Variants in TKTL1 observed in about 807,000 individuals in gnomAD.
TKTL1 encodes transketolase-like protein 1.
Under a neutral mutation model 39.3 loss-of-function variants are expected in TKTL1, and 1 was observed. The ratio of observed to expected loss-of-function variants is 0.03; its 90% CI spans 0.01 to 0.12. The LOEUF (loss-of-function observed/expected upper bound fraction) is 0.12. TKTL1 is among the 10% of genes least tolerant of loss of function. TKTL1 has a pLI of 1.00. For synonymous variants in TKTL1, 262 were observed against 193.8 expected, an observed-to-expected ratio of 1.35 and a Z score of -2.92; for missense variants, 575 against 509.6, an observed-to-expected ratio of 1.13 and a Z score of -1.24.
chrX:154,303,328 T>C (rs782078017), intron 1 of TKTL1, among the ~76,000 whole-genome samples: 1 of 94,690 alleles, frequency 1.1e-5, no homozygotes, highest in East Asian at 3.5e-4. Context: ...CCCTCCCACC[T>C]CAGCCTCCCA....
intron 6 of TKTL1, among the ~76,000 whole-genome samples, chrX:154,313,293 C>T (rs1451740439): frequency 8.9e-6 from 1 of 112,407 alleles, no homozygotes. Context: ...ACCTTTTGAA[C>T]TTACTCTCTG....
At chrX:154,323,507 T>G (rs1048093983) in intron 9 of TKTL1, among the ~76,000 whole-genome samples, 170 bp downstream of exon 9, 1 of 112,304 alleles carries the variant, frequency 8.9e-6, no homozygotes, top group Non-Finnish European at 1.9e-5. Context: ...CAAACACATT[T>G]GCCTTGTAAA....
intron 1 of TKTL1, among the ~76,000 whole-genome samples, chrX:154,299,202 C>CTGGAGTG (rs1354948055): frequency 1.2e-4 from 10 of 83,127 alleles, no homozygotes; most frequent in Non-Finnish European, 1.5e-4. Context: ...GTTGCCCAGG[C>CTGGAGTG]TGGAGTGCAG....
chrX:154,297,026 C>G (rs1446205567), intron 1 of TKTL1, among the ~76,000 whole-genome samples: 1 of 111,623 alleles, frequency 9.0e-6, no homozygotes, highest in African/African-American at 3.3e-5. Context: ...AGGGCGGTGG[C>G]TCACGCCTGC....
At chrX:154,307,637 C>T (rs957989750) in intron 2 of TKTL1, among the ~76,000 whole-genome samples, 6 of 112,761 alleles carry the variant, frequency 5.3e-5, no homozygotes, top group African/African-American at 1.9e-4. Flanking sequence ...GGGCTCTGGT[C>T]TCCATTGCAC....
chrX:154,317,870 G>T (rs1603353706), intron 7 of TKTL1, among the ~76,000 whole-genome samples: 1 of 110,435 alleles, frequency 9.1e-6, no homozygotes, highest in East Asian at 2.9e-4. Context: ...GGGAGAAGTG[G>T]ACTGGAGGGC....
Position 154,300,581 on chromosome X carries a change from T to C in TKTL1, c.134+4588T>C, listed in dbSNP as rs1193884060. On this transcript the variant is annotated intron_variant, in intron 1 of 12. Transcript: ENST00000369915. ...TTGAGTTCTTGATTCTCAAGCTTGG[T>C]CGTTGTTGGTGTAGTGCTACTGATT... is the stretch of plus-strand genomic sequence containing the variant. Among the ~76,000 whole-genome samples the C allele has an allele frequency of 2.7e-5, 3 of 112,192 alleles. No homozygotes were observed. In the East Asian group the frequency reaches 8.4e-4, roughly 31 times the overall value.
chrX:154,328,080 T>C lies in TKTL1; in HGVS notation c.1618+122T>C, dbSNP rs1371605571. Reference sequence around the variant, plus strand: ...CTCTCACCCAGCATGGCTTTGTTATTTGATGTTCACTAAGCGTGGGGCCAT... The same window carrying C: ...CTCTCACCCAGCATGGCTTTGTTATCTGATGTTCACTAAGCGTGGGGCCAT... On this transcript the variant is annotated intron_variant, in intron 12 of 12. Transcript: ENST00000369915. 3.2e-6 allele frequency: 3 copies of C among 931,904 alleles called. No homozygotes were observed. In the Admixed American group the frequency reaches 7.4e-5, roughly 23 times the overall value. 76.8% of individuals were successfully genotyped at this position (931,904 alleles called of 1,213,427 possible).
At chrX:154,323,095 C>G (rs1416896180) in intron 8 of TKTL1, 112 bp from the exon 9 acceptor site, 3 of 986,248 alleles carry the variant, frequency 3.0e-6, no homozygotes, top group African/African-American at 3.9e-5. Context: ...TGCTACAGCT[C>G]GGGACACCCC....
At chrX:154,318,563 C>T (rs1305327492) in intron 7 of TKTL1, among the ~76,000 whole-genome samples, 1 of 108,111 alleles carries the variant, frequency 9.2e-6, no homozygotes, top group Non-Finnish European at 1.9e-5. Flanking sequence ...AAAAAATTAG[C>T]CGGGCGTGGT....
rs781821104 is a variant in TKTL1, at chrX:154,295,845, A to G, written c.-15A>G. On this transcript the variant is annotated 5_prime_UTR_variant, in exon 1 of 13. Transcript: ENST00000369915. ...ACGTAGGAGTGGGTCTTCAGACTCC[A>G]AAGGGGTTGGACTAATGGCGGATGC... 3.0e-5 allele frequency: 36 copies of G among 1,207,187 alleles called. No individual in the cohort carries two copies. The Middle Eastern group carries it at 1.4e-3, about 47-fold the overall frequency.
chrX:154,302,234 G>T lies in TKTL1; in HGVS notation c.135-3070G>T, dbSNP rs146885127. On this transcript the variant is annotated intron_variant, in intron 1 of 12. Transcript: ENST00000369915. ...CAAAACAAAGCAAAAAGCAAGAAGA[G>T]AACTTTACATTTTGTCCAATAGTCC... 9.0e-5 allele frequency among the ~76,000 whole-genome samples: 10 copies of T among 110,663 alleles called. No homozygotes were observed. In the East Asian group the frequency reaches 2.8e-3, roughly 31 times the overall value.
chrX:154,315,985 A>T (rs1276402545), intron 7 of TKTL1, among the ~76,000 whole-genome samples: 1 of 112,026 alleles, frequency 8.9e-6, no homozygotes, highest in Non-Finnish European at 1.9e-5. Flanking sequence ...GCGTCATAGA[A>T]GATGATGCCC....
intron 7 of TKTL1, among the ~76,000 whole-genome samples, chrX:154,318,703 G>A (rs1378290188): frequency 2.4e-4 from 18 of 74,374 alleles, no homozygotes; most frequent in South Asian, 6.9e-4. Flanking sequence ...GCGAGCCTCC[G>A]TCTCAAAAAA....
chrX:154,324,185 C>T (rs782407492), intron 9 of TKTL1, among the ~76,000 whole-genome samples: 2 of 110,728 alleles, frequency 1.8e-5, no homozygotes, highest in South Asian at 3.8e-4. Flanking sequence ...CTCACTCTGT[C>T]GCCCAGGCTG....
At chrX:154,303,181 A>T (rs1470907995) in intron 1 of TKTL1, among the ~76,000 whole-genome samples, 19 of 33,369 alleles carry the variant, frequency 5.7e-4, no homozygotes, top group East Asian at 1.1e-3. Flanking sequence ...TAAAATTTTT[A>T]TTTATTTATT....
At position 154,304,436 on chromosome X, in the gene TKTL1, C is replaced by CT. The variant is rs782651455; in HGVS notation, c.135-859dup. Among the ~76,000 whole-genome samples, 716 of 108,627 alleles carry CT rather than the reference C, an allele frequency of 6.6e-3. 7 individuals carry two copies. The highest frequency in any genetic ancestry group is 0.022 in the African/African-American group (657 of 29,755). 94.3% of individuals were successfully genotyped at this position (108,627 alleles called of 115,157 possible). A position where few individuals can be genotyped will look rare whatever the true frequency, so the allele number is the denominator to read the frequency against. The stretch of plus-strand genomic sequence containing the variant: ...AGCCCTCTTTTTGTGTCCTTTGAAG[C>CT]TTTTTTTTTATCAGGCTGGGTGCGT... On this transcript the variant is annotated intron_variant, in intron 1 of 12. Transcript: ENST00000369915.
intron 9 of TKTL1, among the ~76,000 whole-genome samples, chrX:154,324,968 A>G (rs1021564721): frequency 1.8e-5 from 2 of 112,269 alleles, no homozygotes; most frequent in Non-Finnish European, 3.8e-5. Context: ...TGGTCTTTCT[A>G]AGGATGAAGC....
intron 7 of TKTL1, among the ~76,000 whole-genome samples, chrX:154,318,006 C>T (rs781790359): frequency 4.1e-4 from 46 of 112,145 alleles, no homozygotes; most frequent in Non-Finnish European, 7.1e-4. Context: ...CCGCTCCACA[C>T]CACTAAATGC....
Sources: gnomAD v4.1 joint callset for allele counts (sites outside exome capture counted in the v4.1 genomes callset) on GRCh38, gnomAD v4.1.1 for gene constraint, MANE v1.5 for transcripts, NCBI Gene and HGNC (gene_info 2026-07-23, HGNC 2026-07-21) for gene names.